Variants in SNX29 observed in about 807,000 individuals in gnomAD.
The protein encoded by SNX29 is sorting nexin 29.
In SNX29, 78 loss-of-function variants were observed where a neutral mutation model predicts 102.1. The observed-to-expected ratio is 0.76, with a 90% CI of 0.64 to 0.92. The LOEUF is 0.92. Ranked by LOEUF, SNX29 falls within the 40% of genes least tolerant of loss-of-function variation. The pLI, the probability that SNX29 is intolerant of heterozygous loss-of-function variation, is 0.00. For synonymous variants in SNX29, 580 were observed against 414.5 expected (o/e 1.40, Z -4.85); for missense variants, 1,280 against 1,061.7 (o/e 1.21, Z -2.86).
chr16:12,384,000 A>G (rs1478478458), intron 16 of SNX29, among the ~76,000 whole-genome samples: 1 of 152,014 alleles, frequency 6.6e-6, no homozygotes, highest in East Asian at 1.9e-4. Flanking sequence ...GTTGTATTTC[A>G]CTTAACATAG....
chr16:12,566,723 A>C (rs2079027023), intron 20 of SNX29, among the ~76,000 whole-genome samples: 2 of 152,136 alleles, frequency 1.3e-5, no homozygotes, highest in African/African-American at 4.8e-5. Context: ...TGAAGAGAGG[A>C]TCATGTTTGC....
At chr16:12,165,844 G>A (rs543009448) in intron 13 of SNX29, among the ~76,000 whole-genome samples, 11 of 152,336 alleles carry the variant, frequency 7.2e-5, no homozygotes, top group Admixed American at 1.3e-4. Context: ...GATTACTGGC[G>A]TGAGCCACCA....
At chr16:12,414,113 G>C (rs758916043) in intron 18 of SNX29, among the ~76,000 whole-genome samples, 1 of 152,190 alleles carries the variant, frequency 6.6e-6, no homozygotes, top group Non-Finnish European at 1.5e-5. Context: ...AAAAGTGTGT[G>C]CATGTTCAGT....
chr16:12,471,426 G>A (rs1166643743), intron 18 of SNX29, among the ~76,000 whole-genome samples: 1 of 152,210 alleles, frequency 6.6e-6, no homozygotes, highest in Non-Finnish European at 1.5e-5. Context: ...TAGAGACTCA[G>A]GGCTTGAAGA....
chr16:12,069,584 G>T (rs570138860), intron 10 of SNX29, among the ~76,000 whole-genome samples: 1 of 152,000 alleles, frequency 6.6e-6, no homozygotes, highest in South Asian at 2.1e-4. Flanking sequence ...AGAAGATGCA[G>T]TTGCCAAGGG....
chr16:12,023,377 C>T (rs543590669), intron 3 of SNX29, among the ~76,000 whole-genome samples: 128 of 147,656 alleles, frequency 8.7e-4, no homozygotes, highest in Non-Finnish European at 1.5e-3. Flanking sequence ...GGGAACCCCC[C>T]AGCCCTCTCA....
chr16:12,279,508 C>T (rs968412368), intron 15 of SNX29, among the ~76,000 whole-genome samples: 8 of 152,332 alleles, frequency 5.3e-5, no homozygotes, highest in African/African-American at 1.9e-4. Context: ...CTGCCCAGTG[C>T]TCTGCCCTTC....
intron 15 of SNX29, among the ~76,000 whole-genome samples, chr16:12,293,132 C>A (rs893886522): frequency 6.6e-6 from 1 of 152,128 alleles, no homozygotes; most frequent in African/African-American, 2.4e-5. Flanking sequence ...CAAAGAGATG[C>A]GGTCTTGCTA....
chr16:12,401,119 C>T (rs984576855), intron 17 of SNX29, among the ~76,000 whole-genome samples: 9 of 152,172 alleles, frequency 5.9e-5, no homozygotes, highest in African/African-American at 1.7e-4. Flanking sequence ...GCGTGAGCCA[C>T]AGCCCCCGGC....
At chr16:12,080,640 A>G (rs1017998308) in intron 11 of SNX29, among the ~76,000 whole-genome samples, 2 of 151,850 alleles carry the variant, frequency 1.3e-5, no homozygotes, top group African/African-American at 4.8e-5. Context: ...TCAGCCTTCC[A>G]AAGCGCTGGG....
intron 13 of SNX29, among the ~76,000 whole-genome samples, chr16:12,157,553 T>G (rs1197658455): frequency 6.6e-6 from 1 of 152,214 alleles, no homozygotes; most frequent in Non-Finnish European, 1.5e-5. Context: ...TGTAGCACCA[T>G]GTAAAGGGTC....
chr16:12,058,594 A>G (rs1249168008), intron 8 of SNX29, among the ~76,000 whole-genome samples: 1 of 148,758 alleles, frequency 6.7e-6, no homozygotes, highest in Admixed American at 6.8e-5. Context: ...CTCGAGTTCA[A>G]GTGATTCTCC....
chr16:12,415,839 A>G (rs1597302074), intron 18 of SNX29, among the ~76,000 whole-genome samples: 1 of 152,132 alleles, frequency 6.6e-6, no homozygotes, highest in African/African-American at 2.4e-5. Flanking sequence ...CCTATATCCA[A>G]AATAGTTATA....
At chr16:12,502,224 G>A (rs1310225285) in intron 19 of SNX29, among the ~76,000 whole-genome samples, 3 of 152,206 alleles carry the variant, frequency 2.0e-5, no homozygotes. Context: ...GGCAGTGAGG[G>A]GCGGTGGAGG....
At chr16:12,304,181 G>T (rs116519355) in intron 15 of SNX29, among the ~76,000 whole-genome samples, 4,417 of 141,768 alleles carry the variant, frequency 0.031, 109 homozygotes, top group Admixed American at 0.059. Context: ...ACTGTTTTTT[G>T]TTTTTTTTTT....
intron 20 of SNX29, 85 bp from the exon 21 acceptor site, chr16:12,568,421 C>A: frequency 6.4e-7 from 1 of 1,559,072 alleles, no homozygotes; most frequent in Non-Finnish European, 8.7e-7. Flanking sequence ...ATCCCTCCTG[C>A]CCTCACACCT....
At chr16:12,177,369 G>A (rs559622949) in intron 13 of SNX29, among the ~76,000 whole-genome samples, 137 of 152,304 alleles carry the variant, frequency 9.0e-4, no homozygotes, top group African/African-American at 3.1e-3. Flanking sequence ...GGGCTGGATC[G>A]TTAGCATTCT....
chr16:12,374,274 A>G (rs987796393), intron 16 of SNX29: 1 of 124,626 alleles, frequency 8.0e-6, no homozygotes, highest in African/African-American at 2.5e-5. Flanking sequence ...TGTCCCCTGG[A>G]CTCACACAGT....
intron 19 of SNX29, among the ~76,000 whole-genome samples, 188 bp from the exon 20 acceptor site, chr16:12,524,514 C>T (rs894189946): frequency 6.6e-6 from 1 of 150,612 alleles, no homozygotes. Context: ...ATAATAATAT[C>T]GTGAGCATCT....
Sources: gnomAD v4.1 joint callset for allele counts (sites outside exome capture counted in the v4.1 genomes callset) on GRCh38, gnomAD v4.1.1 for gene constraint, MANE v1.5 for transcripts, NCBI Gene and HGNC (gene_info 2026-07-23, HGNC 2026-07-21) for gene names.